Variants in GABBR2 observed in about 807,000 individuals in gnomAD.
GABBR2 encodes the protein G-protein coupled receptor 51.
In GABBR2, 23 loss-of-function variants were observed where a neutral mutation model predicts 105.6. The ratio of observed to expected loss-of-function variants is 0.22; its 90% CI spans 0.16 to 0.31. The LOEUF is 0.31. Among genes scored for constraint, GABBR2 ranks in the 10% least tolerant of loss-of-function variants. GABBR2 has a pLI of 1.00. For synonymous variants in GABBR2, 478 were observed against 499.7 expected (o/e 0.96, Z 0.58); for missense variants, 734 against 1,245.5 (o/e 0.59, Z 6.18).
At chr9:98,353,966 T>G (rs1309784855) in intron 13 of GABBR2, among the ~76,000 whole-genome samples, 2 of 152,228 alleles carry the variant, frequency 1.3e-5, no homozygotes, top group Non-Finnish European at 2.9e-5. Flanking sequence ...TCTGCTATGA[T>G]TGAAAGTTTC....
chr9:98,475,383 T>C (rs1826771422), intron 5 of GABBR2, among the ~76,000 whole-genome samples: 2 of 150,884 alleles, frequency 1.3e-5, no homozygotes, highest in African/African-American at 4.9e-5. Flanking sequence ...AGAAAAGAAA[T>C]GCCAGATCCT....
intron 11 of GABBR2, among the ~76,000 whole-genome samples, 162 bp from the exon 12 acceptor site, chr9:98,371,733 TAGGCATTTAGTTCTATC>T (rs1831786527): frequency 6.6e-6 from 1 of 152,204 alleles, no homozygotes; most frequent in South Asian, 2.1e-4. Context: ...TTCCATTCAA[TAGGCATTTAGTTCTATC>T]AGCCACTTAC....
At chr9:98,663,298 C>G (rs1365300661) in intron 1 of GABBR2, among the ~76,000 whole-genome samples, 1 of 152,038 alleles carries the variant, frequency 6.6e-6, no homozygotes, top group Admixed American at 6.6e-5. Flanking sequence ...AGGAAAGGCA[C>G]AGGGTCATGG....
intron 3 of GABBR2, among the ~76,000 whole-genome samples, chr9:98,531,777 A>T (rs948031525): frequency 1.3e-5 from 2 of 152,194 alleles, no homozygotes; most frequent in Non-Finnish European, 2.9e-5. Context: ...CTTGACATTG[A>T]TCAAATGCCT....
chr9:98,307,003 A>G (rs1016071014), intron 14 of GABBR2, among the ~76,000 whole-genome samples: 1 of 152,170 alleles, frequency 6.6e-6, no homozygotes, highest in Admixed American at 6.5e-5. Flanking sequence ...CTGGAGTGGA[A>G]TGTGATGGGT....
chr9:98,300,931 G>C (rs746224105), intron 16 of GABBR2, among the ~76,000 whole-genome samples: 42 of 152,158 alleles, frequency 2.8e-4, no homozygotes, highest in Admixed American at 6.5e-4. Context: ...GTGTAATGAA[G>C]CCTCCATAAA....
intron 3 of GABBR2, among the ~76,000 whole-genome samples, chr9:98,507,491 C>T (rs537336202): frequency 6.6e-6 from 1 of 152,262 alleles, no homozygotes; most frequent in South Asian, 2.1e-4. Flanking sequence ...CAGAAGGAAC[C>T]AGTCAAAATC....
At chr9:98,653,088 C>G (rs1237186821) in intron 1 of GABBR2, among the ~76,000 whole-genome samples, 2 of 152,222 alleles carry the variant, frequency 1.3e-5, no homozygotes, top group East Asian at 3.8e-4. Context: ...CCTCGAACTC[C>G]TGGGCTCAAG....
At chr9:98,525,863 C>T (rs756144904) in intron 3 of GABBR2, among the ~76,000 whole-genome samples, 83 of 152,274 alleles carry the variant, frequency 5.5e-4, no homozygotes, top group Middle Eastern at 3.4e-3. Flanking sequence ...TATGCTACAA[C>T]GTGGATGAAC....
In GABBR2 at chr9:98,378,639, C is replaced by T. The variant is rs10986071; in HGVS notation, c.1662+7001G>A. ...GAATGCAGAGGCCCCCTTCTAGACCCGCTGCATTCCATCCAGACCCCCAGG... is the reference window on the plus strand; with the variant it reads ...GAATGCAGAGGCCCCCTTCTAGACCTGCTGCATTCCATCCAGACCCCCAGG... On this transcript the variant is annotated intron_variant, in intron 11 of 18. Coordinates refer to ENST00000259455, the MANE Select transcript of GABBR2 (RefSeq NM_005458.8). 0.011 allele frequency among the ~76,000 whole-genome samples: 1,638 copies of T among 152,290 alleles called. 61 individuals are homozygous for T. The East Asian group carries it at 0.13, about 12-fold the overall frequency.
rs527688706 is a variant in GABBR2 at position 98,410,470 on chromosome 9, T to A, written c.1237-4329A>T. Among the ~76,000 whole-genome samples the A allele has an allele frequency of 2.0e-5, 3 of 151,456 alleles. No individual in the cohort carries two copies. The East Asian group carries it at 5.8e-4, about 29-fold the overall frequency. The stretch of plus-strand genomic sequence containing the variant: ...CATTTAGGGAAGCGGTCATGGGAGA[T>A]TAGAAAGAACGCATAAGCATGCATG... On this transcript the variant is annotated intron_variant, in intron 7 of 18. Transcript: ENST00000259455.
At position 98,298,181 on chromosome 9, in the gene GABBR2, A is replaced by G. The variant is rs541872391; in HGVS notation, c.2542+1043T>C. 5.3e-5 allele frequency among the ~76,000 whole-genome samples: 8 copies of G among 152,264 alleles called. No individual in the cohort carries two copies. In the South Asian group the frequency reaches 1.5e-3, roughly 28 times the overall value. ...CCTTTTAAAAAATGCATTCACACAC[A>G]CATGTATGCATTTGTGTGTCCCATA... On this transcript the variant is annotated intron_variant, in intron 17 of 18. Transcript: ENST00000259455.
chr9:98,667,179 G>T (rs1830347674), intron 1 of GABBR2, among the ~76,000 whole-genome samples: 1 of 152,122 alleles, frequency 6.6e-6, no homozygotes, highest in African/African-American at 2.4e-5. Context: ...AGAGATGATG[G>T]GTCTCAGCTG....
intron 5 of GABBR2, 36 bp from the exon 6 acceptor site, chr9:98,473,382 G>A (rs1826724085): frequency 7.1e-7 from 1 of 1,413,188 alleles, no homozygotes; most frequent in East Asian, 2.3e-5. Context: ...GGCATTGAGA[G>A]TCGCACAGTT....
At chr9:98,425,630 G>A (rs1050289048) in intron 7 of GABBR2, among the ~76,000 whole-genome samples, 2 of 152,216 alleles carry the variant, frequency 1.3e-5, no homozygotes, top group African/African-American at 2.4e-5. Context: ...CAAACCAGGT[G>A]GGCCACAGGC....
intron 7 of GABBR2, among the ~76,000 whole-genome samples, chr9:98,439,354 T>G (rs139150831): frequency 6.6e-6 from 1 of 152,346 alleles, no homozygotes; most frequent in African/African-American, 2.4e-5. Flanking sequence ...GCTTTGCTTC[T>G]TCTTTGTTAC....
chr9:98,328,562 A>C (rs954521345), intron 13 of GABBR2, among the ~76,000 whole-genome samples: 1 of 152,244 alleles, frequency 6.6e-6, no homozygotes, highest in African/African-American at 2.4e-5. Flanking sequence ...TAATTAATAA[A>C]GTAATTAACA....
intron 3 of GABBR2, among the ~76,000 whole-genome samples, chr9:98,515,023 G>T (rs1827730490): frequency 6.6e-6 from 1 of 152,156 alleles, no homozygotes; most frequent in East Asian, 1.9e-4. Context: ...CCAGGAAGTA[G>T]ATTTCAGCTC....
At chr9:98,298,447 C>T (rs1830416737) in intron 17 of GABBR2, among the ~76,000 whole-genome samples, 1 of 152,192 alleles carries the variant, frequency 6.6e-6, no homozygotes, top group Admixed American at 6.5e-5. Flanking sequence ...TTGCAAGGGG[C>T]AGGTTCCTGC....
Sources: gnomAD v4.1 joint callset for allele counts (sites outside exome capture counted in the v4.1 genomes callset) on GRCh38, gnomAD v4.1.1 for gene constraint, MANE v1.5 for transcripts, NCBI Gene and HGNC (gene_info 2026-07-23, HGNC 2026-07-21) for gene names.